ASTN2: variants seen among roughly 807,000 people sequenced by gnomAD.
ASTN2 encodes the protein astrotactin-2.
ASTN2 carries 54 observed loss-of-function variants against 139.8 expected under a neutral mutation model. That is an observed-to-expected ratio of 0.39 (90% CI 0.31 to 0.48). ASTN2 has a LOEUF of 0.48. Among genes scored for constraint, ASTN2 ranks in the 20% least tolerant of loss-of-function variants. The pLI, the probability that ASTN2 is intolerant of heterozygous loss-of-function variation, is 0.95. For missense variants in ASTN2, 1,565 were observed against 1,725.1 expected (o/e 0.91, Z 1.64); for synonymous variants, 756 against 719.5 (o/e 1.05, Z -0.81).
intron 6 of ASTN2, among the ~76,000 whole-genome samples, chr9:117,016,631 T>C (rs1837698251): frequency 1.1e-4 from 2 of 17,674 alleles, no homozygotes; most frequent in South Asian, 1.7e-3. Flanking sequence ...TATCTATATA[T>C]ATATATATAT....
At chr9:116,506,172 A>G (rs973834657) in intron 19 of ASTN2, among the ~76,000 whole-genome samples, 10 of 152,166 alleles carry the variant, frequency 6.6e-5, no homozygotes, top group Non-Finnish European at 1.3e-4. Context: ...TAGGTGTTCA[A>G]TAAGTGGTTA....
In ASTN2 at chr9:116,974,506, C is replaced by CTTTT. The variant is rs3038410; in HGVS notation, c.1889+698_1889+701dup. ...TTAAGAACAAAAGATTTAGCCTGGA[C>CTTTT]TTTTTTTTTTTTTTTTTTTTGAGAT... On this transcript the variant is annotated intron_variant, in intron 10 of 22. Transcript: ENST00000313400. Among the ~76,000 whole-genome samples the CTTTT allele has an allele frequency of 1.3e-3, 141 of 110,884 alleles. 2 individuals carry two copies. The highest frequency in any genetic ancestry group is 1.7e-3 in the African/African-American group (49 of 29,098). The allele number at this position is 110,884 out of a possible 152,430, so 72.7% of individuals were successfully genotyped here.
At chr9:117,376,975 G>A (rs1320497733) in intron 1 of ASTN2, among the ~76,000 whole-genome samples, 1 of 152,086 alleles carries the variant, frequency 6.6e-6, no homozygotes, top group African/African-American at 2.4e-5. Flanking sequence ...TATGCTCAAG[G>A]TACAGCTGAG....
intron 2 of ASTN2, among the ~76,000 whole-genome samples, chr9:117,244,607 AGAGGGAGG>A (rs1833319646): frequency 1.6e-5 from 1 of 63,296 alleles, no homozygotes; most frequent in Admixed American, 1.5e-4. Flanking sequence ...GGGAGGGAGG[AGAGGGAGG>A]GAGGGAAGAG....
At chr9:116,774,231 T>C (rs1347578611) in intron 13 of ASTN2, among the ~76,000 whole-genome samples, 1 of 152,114 alleles carries the variant, frequency 6.6e-6, no homozygotes, top group Non-Finnish European at 1.5e-5. Context: ...CATTTTCTCA[T>C]TTGTACATGA....
intron 11 of ASTN2, among the ~76,000 whole-genome samples, chr9:116,838,671 C>T (rs550099575): frequency 1.6e-4 from 24 of 151,816 alleles, no homozygotes; most frequent in African/African-American, 4.1e-4. Flanking sequence ...GTGATCCACC[C>T]GCCTCAGCCT....
At chr9:116,830,868 C>T (rs1053344461) in intron 11 of ASTN2, among the ~76,000 whole-genome samples, 6 of 150,110 alleles carry the variant, frequency 4.0e-5, no homozygotes, top group South Asian at 2.1e-4. Context: ...TAATAACATA[C>T]GAGTGCTATT....
intron 6 of ASTN2, among the ~76,000 whole-genome samples, chr9:117,028,957 C>T (rs1167059901): frequency 1.3e-5 from 2 of 152,132 alleles, no homozygotes; most frequent in East Asian, 1.9e-4. Context: ...GAAACTGAGG[C>T]CTGAAGAAGT....
At chr9:117,013,611 C>G (rs1026299931) in intron 6 of ASTN2, among the ~76,000 whole-genome samples, 1 of 151,898 alleles carries the variant, frequency 6.6e-6, no homozygotes, top group African/African-American at 2.4e-5. Flanking sequence ...GGGGACTGCA[C>G]GGGCACGGAG....
chr9:116,877,667 A>G (rs1833338760), intron 10 of ASTN2, among the ~76,000 whole-genome samples: 1 of 152,142 alleles, frequency 6.6e-6, no homozygotes, highest in Non-Finnish European at 1.5e-5. Flanking sequence ...AGCCTGTGGT[A>G]TGGTGAGGTT....
intron 1 of ASTN2, among the ~76,000 whole-genome samples, chr9:117,318,736 T>C (rs1443207122): frequency 1.3e-5 from 2 of 152,036 alleles, no homozygotes; most frequent in Non-Finnish European, 2.9e-5. Flanking sequence ...TGAAGGAAAA[T>C]CGAGGGCTCA....
intron 7 of ASTN2, among the ~76,000 whole-genome samples, chr9:116,982,159 C>T (rs1310131033): frequency 2.0e-5 from 3 of 152,180 alleles, no homozygotes; most frequent in African/African-American, 7.2e-5. Context: ...TGAAATAGTT[C>T]AGAGTGTGGG....
At chr9:116,856,810 T>G (rs557801509) in intron 11 of ASTN2, among the ~76,000 whole-genome samples, 20 of 152,038 alleles carry the variant, frequency 1.3e-4, no homozygotes, top group Non-Finnish European at 2.5e-4. Context: ...TGTGACTGGG[T>G]GATTTGTAGG....
chr9:117,296,277 C>CAAAAAAAAA (rs5900277), intron 1 of ASTN2, among the ~76,000 whole-genome samples: 23 of 70,980 alleles, frequency 3.2e-4, no homozygotes, highest in African/African-American at 4.8e-4. Context: ...GACTGCATCT[C>CAAAAAAAAA]AAAAAAAAAA....
At chr9:117,078,949 T>C (rs1828351040) in intron 5 of ASTN2, among the ~76,000 whole-genome samples, 1 of 152,042 alleles carries the variant, frequency 6.6e-6, no homozygotes, top group Non-Finnish European at 1.5e-5. Flanking sequence ...TTGGGCAGGC[T>C]GGTCTTGAAC....
chr9:116,623,940 G>A (rs546668203), intron 17 of ASTN2, among the ~76,000 whole-genome samples: 2 of 152,188 alleles, frequency 1.3e-5, no homozygotes, highest in African/African-American at 4.8e-5. Context: ...GTGTCTCTGT[G>A]TGTTTGAGAG....
chr9:117,414,059 G>A lies in ASTN2; in HGVS notation c.442+438C>T, dbSNP rs1379562948. 6.6e-6 allele frequency among the ~76,000 whole-genome samples: 1 copy of A among 152,152 alleles called. No individual in the cohort carries two copies. Among genetic ancestry groups the A allele is most frequent in the Non-Finnish European group, 1.5e-5 (1 of 68,014 alleles). Reference sequence around the variant, plus strand: ...AAATCCATCTGGAAGGGCAGAACCCGCAACTCCGAGGCGAGAGCGAGGGGG... The same window carrying A: ...AAATCCATCTGGAAGGGCAGAACCCACAACTCCGAGGCGAGAGCGAGGGGG... On this transcript the variant is annotated intron_variant, in intron 1 of 22. Transcript: ENST00000313400. This position sits in a 1 kb window ranked among gnomAD's most constrained non-coding sequence, Gnocchi z 4.2.
In ASTN2 at chr9:117,219,515, T is replaced by C. The variant is rs1427054441; in HGVS notation, c.631-4773A>G. On this transcript the variant is annotated intron_variant, in intron 2 of 22. Transcript: ENST00000313400. ...GAGACCCTGCTGGCCTCAGGGACGA[T>C]CTGATGCCAAGTCCGATTTGTACCG... Among the ~76,000 whole-genome samples, 4 of 152,182 alleles carry C rather than the reference T, an allele frequency of 2.6e-5. No homozygotes were observed. The East Asian group carries it at 7.7e-4, about 29-fold the overall frequency.
At chr9:117,147,449 ACACACACACACACACC>A (rs1159918292) in intron 3 of ASTN2, among the ~76,000 whole-genome samples, 1 of 150,908 alleles carries the variant, frequency 6.6e-6, no homozygotes, top group Non-Finnish European at 1.5e-5. Flanking sequence ...ACACACACAC[ACACACACACACACACC>A]CCCGTTATCC....
Sources: gnomAD v4.1 joint callset for allele counts (sites outside exome capture counted in the v4.1 genomes callset) on GRCh38, gnomAD v4.1.1 for gene constraint, Gnocchi (gnomAD v3.1) non-coding constraint, MANE v1.5 for transcripts, NCBI Gene and HGNC (gene_info 2026-07-23, HGNC 2026-07-21) for gene names.